The following NKAIN2 variants were observed in gnomAD, a reference collection of about 807,000 sequenced individuals.
NKAIN2 encodes the protein sodium/potassium transporting ATPase interacting 2.
In NKAIN2, 14 loss-of-function variants were observed where a neutral mutation model predicts 32.6. That is an observed-to-expected ratio of 0.43 (90% CI 0.28 to 0.67). NKAIN2 has a LOEUF of 0.67. Among genes scored for constraint, NKAIN2 ranks in the 30% least tolerant of loss-of-function variants. The probability of loss-of-function intolerance (pLI) is 0.17; values close to 1 mark genes in which losing one functional copy is unlikely to be tolerated. For synonymous variants in NKAIN2, 80 were observed against 87.2 expected (o/e 0.92, Z 0.46); for missense variants, 198 against 258.3 (o/e 0.77, Z 1.60).
chr6:123,827,951 CTT>C (rs1412512380), intron 1 of NKAIN2, among the ~76,000 whole-genome samples: 2 of 151,838 alleles, frequency 1.3e-5, no homozygotes, highest in Non-Finnish European at 2.9e-5. Context: ...ACTTAAAAGA[CTT>C]TTGTAGAATC....
chr6:123,979,987 G>T (rs1261897408), intron 1 of NKAIN2, among the ~76,000 whole-genome samples: 5 of 152,106 alleles, frequency 3.3e-5, no homozygotes, highest in African/African-American at 1.2e-4. Flanking sequence ...TATGATATTA[G>T]ATGATTATGA....
chr6:124,544,044 T>C (rs1290804379), intron 3 of NKAIN2, among the ~76,000 whole-genome samples: 1 of 152,080 alleles, frequency 6.6e-6, no homozygotes, highest in Non-Finnish European at 1.5e-5. Context: ...TGTTAGAATC[T>C]GTCAAATAAT....
chr6:124,267,314 G>T (rs1265578772), intron 1 of NKAIN2, among the ~76,000 whole-genome samples: 1 of 151,774 alleles, frequency 6.6e-6, no homozygotes, highest in Non-Finnish European at 1.5e-5. Context: ...CACTCTTTAG[G>T]CTTCTATTTC....
intron 1 of NKAIN2, among the ~76,000 whole-genome samples, chr6:123,888,970 G>A (rs1303961013): frequency 1.3e-5 from 2 of 152,128 alleles, no homozygotes; most frequent in Non-Finnish European, 2.9e-5. Context: ...AGCTACAGCA[G>A]GGCGAGCTGT....
chr6:124,063,229 T>A (rs1281318016), intron 1 of NKAIN2, among the ~76,000 whole-genome samples: 1 of 151,914 alleles, frequency 6.6e-6, no homozygotes, highest in African/African-American at 2.4e-5. Flanking sequence ...TTATTCTCAT[T>A]ATGGAAAAAA....
intron 1 of NKAIN2, among the ~76,000 whole-genome samples, chr6:123,849,889 T>C (rs1562217741): frequency 6.6e-6 from 1 of 151,914 alleles, no homozygotes; most frequent in Non-Finnish European, 1.5e-5. Flanking sequence ...TTTATTATTA[T>C]TTACAATTTT....
At chr6:123,981,159 G>A (rs914698505) in intron 1 of NKAIN2, among the ~76,000 whole-genome samples, 1 of 152,094 alleles carries the variant, frequency 6.6e-6, no homozygotes, top group East Asian at 1.9e-4. Flanking sequence ...GAGCCACCAC[G>A]CCCAGGCCTC....
At chr6:124,561,470 A>T (rs754058395) in intron 3 of NKAIN2, among the ~76,000 whole-genome samples, 2 of 152,164 alleles carry the variant, frequency 1.3e-5, no homozygotes, top group Non-Finnish European at 2.9e-5. Flanking sequence ...GGTCTGTGGG[A>T]AAAAATATTT....
At chr6:124,698,794 C>T (rs578239756) in intron 4 of NKAIN2, among the ~76,000 whole-genome samples, 7 of 152,092 alleles carry the variant, frequency 4.6e-5, no homozygotes, top group Admixed American at 6.6e-5. Flanking sequence ...ATTTACAAAA[C>T]GTAGGGGGAA....
At chr6:124,268,581 G>T (rs1477856599) in intron 1 of NKAIN2, among the ~76,000 whole-genome samples, 1 of 151,934 alleles carries the variant, frequency 6.6e-6, no homozygotes, top group African/African-American at 2.4e-5. Flanking sequence ...ATTTTGTGTT[G>T]TTTTATCACA....
intron 1 of NKAIN2, among the ~76,000 whole-genome samples, chr6:123,838,210 A>G (rs1774711587): frequency 6.6e-6 from 1 of 152,320 alleles, no homozygotes; most frequent in Non-Finnish European, 1.5e-5. Context: ...AATAAGACAA[A>G]TACGATGTTT....
Position 124,348,779 on chromosome 6 carries a change from C to T in NKAIN2, c.193-6488C>T, listed in dbSNP as rs112733833. Among the ~76,000 whole-genome samples the T allele has an allele frequency of 6.9e-3, 1,044 of 152,292 alleles. 10 individuals are homozygous for T. Among genetic ancestry groups the T allele is most frequent in the African/African-American group, 0.024 (1,006 of 41,558 alleles). On this transcript the variant is annotated intron_variant, in intron 2 of 6. Transcript: ENST00000368417. ...TGGGTGCAGTGCACCTTGCATGAGCCGAAGCAGGGCGAGGCATTGCCTCAC... is the reference window on the plus strand; with the variant it reads ...TGGGTGCAGTGCACCTTGCATGAGCTGAAGCAGGGCGAGGCATTGCCTCAC...
At chr6:124,707,310 T>C (rs2114589149) in intron 4 of NKAIN2, among the ~76,000 whole-genome samples, 1 of 152,178 alleles carries the variant, frequency 6.6e-6, no homozygotes, top group East Asian at 1.9e-4. Context: ...TACGTGTGCA[T>C]GTGTCTTTAT....
intron 1 of NKAIN2, among the ~76,000 whole-genome samples, chr6:124,087,953 G>A (rs1439264651): frequency 2.6e-5 from 4 of 152,104 alleles, no homozygotes; most frequent in Admixed American, 2.6e-4. Flanking sequence ...ATCCAAAAAT[G>A]TGTAGCTTAA....
chr6:124,664,793 C>CAA lies in NKAIN2; in HGVS notation c.474+6444_474+6445dup, dbSNP rs57032378. Among the ~76,000 whole-genome samples, 97 of 40,806 alleles carry CAA rather than the reference C, an allele frequency of 2.4e-3. 14 individuals are homozygous for CAA. The highest frequency in any genetic ancestry group is 0.021 in the East Asian group (20 of 958). The allele number at this position is 40,806 out of a possible 152,430, so 26.8% of individuals were successfully genotyped here. A position where few individuals can be genotyped will look rare whatever the true frequency, so the allele number is the denominator to read the frequency against. On this transcript the variant is annotated intron_variant, in intron 4 of 6. Transcript: ENST00000368417. Reference sequence around the variant, plus strand: ...TGGGCGACAGAGCGAGACTCCGTCTCAAAAAAAAAAAAAAAAAAAAAAAAA... The same window carrying CAA: ...TGGGCGACAGAGCGAGACTCCGTCTCAAAAAAAAAAAAAAAAAAAAAAAAAAA...
chr6:124,430,836 A>G (rs899578622), intron 3 of NKAIN2, among the ~76,000 whole-genome samples: 2 of 152,146 alleles, frequency 1.3e-5, no homozygotes, highest in Admixed American at 6.6e-5. Flanking sequence ...ACCATCATAT[A>G]CATTTTCTAA....
chr6:124,517,739 T>C (rs1778968824), intron 3 of NKAIN2, among the ~76,000 whole-genome samples: 1 of 152,204 alleles, frequency 6.6e-6, no homozygotes, highest in Non-Finnish European at 1.5e-5. Context: ...TTCTGAGTTT[T>C]TAAAATGTTA....
intron 1 of NKAIN2, among the ~76,000 whole-genome samples, chr6:124,135,235 G>A: frequency 6.6e-6 from 1 of 151,444 alleles, no homozygotes; most frequent in Non-Finnish European, 1.5e-5. Flanking sequence ...AAACTGTTTA[G>A]GCAACAACTA....
At chr6:124,457,863 T>C (rs1191912387) in intron 3 of NKAIN2, among the ~76,000 whole-genome samples, 2 of 151,964 alleles carry the variant, frequency 1.3e-5, no homozygotes, top group East Asian at 1.9e-4. Context: ...GGGAGCACCA[T>C]TTATTTCTTA....
Sources: allele counts gnomAD v4.1 joint callset (sites outside exome capture counted in the v4.1 genomes callset), GRCh38; gene constraint gnomAD v4.1.1; transcripts MANE v1.5; gene names NCBI Gene and HGNC (gene_info 2026-07-23, HGNC 2026-07-21).